Variants in RSRC1 observed in about 807,000 individuals in gnomAD.
RSRC1 encodes serine/Arginine-related protein 53.
RSRC1 carries 39 observed loss-of-function variants against 49.1 expected under a neutral mutation model. That is an observed-to-expected ratio of 0.79 (90% CI 0.61 to 1.04). The LOEUF (loss-of-function observed/expected upper bound fraction) is 1.04. Among genes scored for constraint, RSRC1 ranks in the 50% least tolerant of loss-of-function variants. The pLI, the probability that RSRC1 is intolerant of heterozygous loss-of-function variation, is 0.00. For synonymous variants in RSRC1, 143 were observed against 130.8 expected (o/e 1.09, Z -0.63); for missense variants, 388 against 402.4 (o/e 0.96, Z 0.31).
chr3:158,199,815 G>A (rs908259205), intron 3 of RSRC1, among the ~76,000 whole-genome samples: 1 of 152,018 alleles, frequency 6.6e-6, no homozygotes, highest in African/African-American at 2.4e-5. Context: ...TATATCTGGA[G>A]GTTTTCTGTA....
intron 5 of RSRC1, among the ~76,000 whole-genome samples, chr3:158,325,890 C>T (rs1210997723): frequency 1.3e-5 from 2 of 152,222 alleles, no homozygotes; most frequent in East Asian, 3.9e-4. Flanking sequence ...TTGTTTGTAT[C>T]CTCTTTTATT....
At chr3:158,185,415 A>G (rs954999702) in intron 3 of RSRC1, among the ~76,000 whole-genome samples, 1 of 151,926 alleles carries the variant, frequency 6.6e-6, no homozygotes, top group Non-Finnish European at 1.5e-5. Flanking sequence ...AAAAAATATT[A>G]TTGCTCTTTT....
At chr3:158,512,478 G>A (rs1430387731) in intron 7 of RSRC1, among the ~76,000 whole-genome samples, 1 of 151,960 alleles carries the variant, frequency 6.6e-6, no homozygotes, top group Non-Finnish European at 1.5e-5. Context: ...ATCTATATCT[G>A]TGTTTTGGTA....
chr3:158,255,227 G>A (rs6441182), intron 4 of RSRC1, among the ~76,000 whole-genome samples: 68,330 of 151,876 alleles, frequency 0.45, 15,712 homozygotes, highest in East Asian at 0.64. Context: ...AATCCATCTT[G>A]AATTAATTTT....
At chr3:158,512,087 G>T (rs113396839) in intron 7 of RSRC1, among the ~76,000 whole-genome samples, 1 of 147,376 alleles carries the variant, frequency 6.8e-6, no homozygotes, top group African/African-American at 2.5e-5. Context: ...CACTCTGATG[G>T]TAGTTTCTTT....
At chr3:158,265,018 A>G (rs1255230620) in intron 4 of RSRC1, among the ~76,000 whole-genome samples, 2 of 152,178 alleles carry the variant, frequency 1.3e-5, no homozygotes, top group Admixed American at 1.3e-4. Context: ...CTGGTCTGCC[A>G]TACACACTCT....
At chr3:158,421,656 A>G (rs1370160503) in intron 6 of RSRC1, among the ~76,000 whole-genome samples, 3 of 151,904 alleles carry the variant, frequency 2.0e-5, no homozygotes, top group East Asian at 3.9e-4. Flanking sequence ...TTGAGATAAT[A>G]GAATATTCTT....
At chr3:158,229,480 A>G (rs1722831111) in intron 4 of RSRC1, among the ~76,000 whole-genome samples, 1 of 150,628 alleles carries the variant, frequency 6.6e-6, no homozygotes. Flanking sequence ...AATTATATTC[A>G]CAAACACACA....
chr3:158,539,962 C>G lies in RSRC1; in HGVS notation c.759+2764C>G, dbSNP rs1443008430. On this transcript the variant is annotated intron_variant, in intron 8 of 9. Coordinates refer to ENST00000611884, the MANE Select transcript of RSRC1 (RefSeq NM_001271838.2). The surrounding 1 kb of genome is among the most constrained non-coding windows in gnomAD (Gnocchi z 4.1). Reference sequence around the variant, plus strand: ...TGATAACTAGAATAATAGCACTGCACATATTTTTAAGGCAGTTTAACATGA... The same window carrying G: ...TGATAACTAGAATAATAGCACTGCAGATATTTTTAAGGCAGTTTAACATGA... Among the ~76,000 whole-genome samples the G allele has an allele frequency of 6.6e-6, 1 of 152,102 alleles. No individual in the cohort carries two copies. The highest frequency in any genetic ancestry group is 1.5e-5 in the Non-Finnish European group (1 of 68,022).
intron 4 of RSRC1, among the ~76,000 whole-genome samples, chr3:158,233,855 T>C (rs1483150142): frequency 1.3e-5 from 2 of 152,168 alleles, no homozygotes; most frequent in Non-Finnish European, 2.9e-5. Flanking sequence ...TCATTCTCCA[T>C]GTATGGAAAC....
chr3:158,154,064 C>T (rs1012966788), intron 3 of RSRC1, among the ~76,000 whole-genome samples: 1 of 152,126 alleles, frequency 6.6e-6, no homozygotes, highest in African/African-American at 2.4e-5. Flanking sequence ...GTATCCACAC[C>T]ACCACAAGAA....
chr3:158,146,510 G>A (rs1389099818), intron 3 of RSRC1, among the ~76,000 whole-genome samples: 1 of 152,170 alleles, frequency 6.6e-6, no homozygotes, highest in African/African-American at 2.4e-5. Context: ...GCTTTTTGAT[G>A]TGCTGCTGGG....
In RSRC1 at chr3:158,376,666, A is replaced by G. The variant is rs774584563; in HGVS notation, c.583+21758A>G. On this transcript the variant is annotated intron_variant, in intron 6 of 9. Coordinates refer to ENST00000611884, the MANE Select transcript of RSRC1 (RefSeq NM_001271838.2). ...CGTTGTCTCCTGACCTTGAAAATCA[A>G]TGTTCTACTTTGTGTGGTGTCAAGT... is the stretch of plus-strand genomic sequence containing the variant. Among the ~76,000 whole-genome samples, 8 of 152,120 alleles carry G rather than the reference A, an allele frequency of 5.3e-5. 1 individual carries two copies. The highest frequency in any genetic ancestry group is 2.1e-4 in the South Asian group (1 of 4,826).
intron 5 of RSRC1, among the ~76,000 whole-genome samples, chr3:158,319,931 T>A (rs1006031372): frequency 5.9e-5 from 9 of 152,198 alleles, no homozygotes; most frequent in African/African-American, 2.2e-4. Context: ...ATGATCCTCA[T>A]ATGTTACAAG....
At chr3:158,420,666 A>C (rs1227849267) in intron 6 of RSRC1, among the ~76,000 whole-genome samples, 1 of 151,920 alleles carries the variant, frequency 6.6e-6, no homozygotes, top group Non-Finnish European at 1.5e-5. Flanking sequence ...GAAATTCCTA[A>C]TTTTCTTAAA....
intron 6 of RSRC1, among the ~76,000 whole-genome samples, chr3:158,367,881 T>C (rs988176614): frequency 6.6e-6 from 1 of 152,172 alleles, no homozygotes; most frequent in East Asian, 1.9e-4. Flanking sequence ...ACAATGAATG[T>C]GGTTTTTAGC....
intron 4 of RSRC1, among the ~76,000 whole-genome samples, chr3:158,206,287 TAAC>T (rs2108282857): frequency 6.6e-6 from 1 of 152,328 alleles, no homozygotes; most frequent in East Asian, 1.9e-4. Context: ...TGGTTGATCT[TAAC>T]TAGTCTCTGT....
At chr3:158,487,033 G>A (rs1195492286) in intron 7 of RSRC1, among the ~76,000 whole-genome samples, 2 of 152,142 alleles carry the variant, frequency 1.3e-5, no homozygotes, top group South Asian at 2.1e-4. Flanking sequence ...AAAATATCTC[G>A]ATTGCAAACA....
chr3:158,345,811 CAT>C (rs754483880), intron 5 of RSRC1, among the ~76,000 whole-genome samples: 21 of 147,986 alleles, frequency 1.4e-4, no homozygotes, highest in African/African-American at 3.2e-4. Flanking sequence ...GTATTACACA[CAT>C]ATATATGCAT....
Sources: allele counts gnomAD v4.1 joint callset (sites outside exome capture counted in the v4.1 genomes callset), GRCh38; gene constraint gnomAD v4.1.1; non-coding constraint Gnocchi (gnomAD v3.1); transcripts MANE v1.5; gene names NCBI Gene and HGNC (gene_info 2026-07-23, HGNC 2026-07-21).